PPFIA2: variants seen among roughly 807,000 people sequenced by gnomAD.
PPFIA2 encodes the protein liprin-alpha-2.
A neutral mutation model predicts 175.5 loss-of-function variants in PPFIA2; 46 were observed. The observed-to-expected ratio is 0.26, with a 90% confidence interval of 0.21 to 0.34. The LOEUF (loss-of-function observed/expected upper bound fraction) is 0.34, where lower values mean the gene tolerates loss of function less well. Among genes scored for constraint, PPFIA2 ranks in the 10% least tolerant of loss-of-function variants. The pLI, the probability that PPFIA2 is intolerant of heterozygous loss-of-function variation, is 1.00. For synonymous variants in PPFIA2, 568 were observed against 511.4 expected, an observed-to-expected ratio of 1.11 and a Z score of -1.49; for missense variants, 1,179 against 1,506.1, an observed-to-expected ratio of 0.78 and a Z score of 3.60.
At chr12:81,591,501 G>C (rs1232588749) in intron 4 of PPFIA2, among the ~76,000 whole-genome samples, 2 of 152,176 alleles carry the variant, frequency 1.3e-5, no homozygotes, top group Non-Finnish European at 2.9e-5. Context: ...CTTTGTGGCA[G>C]CCCCTCTCAT....
intron 4 of PPFIA2, among the ~76,000 whole-genome samples, chr12:81,467,961 T>C (rs1232685329): frequency 6.6e-6 from 1 of 152,116 alleles, no homozygotes; most frequent in Non-Finnish European, 1.5e-5. Context: ...CTTGTTCCCA[T>C]ATCCTGTCCC....
intron 3 of PPFIA2, among the ~76,000 whole-genome samples, chr12:81,747,097 G>A (rs1950153): frequency 0.17 from 24,204 of 142,908 alleles, 5,240 homozygotes; most frequent in Middle Eastern, 0.26. Context: ...GAAGCAATGA[G>A]CAATACAGAA....
At chr12:81,347,504 G>A in intron 18 of PPFIA2, 29 bp downstream of exon 18, 2 of 1,541,346 alleles carry the variant, frequency 1.3e-6, no homozygotes, top group Non-Finnish European at 1.8e-6. Flanking sequence ...TTAACAGGAG[G>A]CAAAGGTTCT....
At chr12:81,729,245 G>A (rs1296120253) in intron 3 of PPFIA2, among the ~76,000 whole-genome samples, 1 of 151,302 alleles carries the variant, frequency 6.6e-6, no homozygotes, top group Non-Finnish European at 1.5e-5. Context: ...TTGAATAAAT[G>A]GACTCATTTA....
At chr12:81,434,511 C>T (rs895408775) in intron 7 of PPFIA2, among the ~76,000 whole-genome samples, 4 of 151,824 alleles carry the variant, frequency 2.6e-5, no homozygotes, top group Non-Finnish European at 1.5e-5. Flanking sequence ...TGAGAGTAAA[C>T]AGATATGGGG....
chr12:81,459,285 C>T (rs899752547), intron 4 of PPFIA2, among the ~76,000 whole-genome samples: 7 of 152,038 alleles, frequency 4.6e-5, no homozygotes, highest in African/African-American at 1.7e-4. Flanking sequence ...AAACAATAAA[C>T]CTTTCTCTAG....
chr12:81,746,827 A>C (rs1490501406), intron 3 of PPFIA2, among the ~76,000 whole-genome samples: 1 of 143,380 alleles, frequency 7.0e-6, no homozygotes, highest in Admixed American at 7.4e-5. Flanking sequence ...GGTATGGGTA[A>C]GTGTGTGGGA....
At chr12:81,547,663 G>C (rs1004491906) in intron 4 of PPFIA2, among the ~76,000 whole-genome samples, 1 of 152,036 alleles carries the variant, frequency 6.6e-6, no homozygotes, top group South Asian at 2.1e-4. Context: ...AAGAGTTAGA[G>C]AAAAAACAAA....
intron 8 of PPFIA2, among the ~76,000 whole-genome samples, chr12:81,398,024 G>C (rs891612263): frequency 6.6e-6 from 1 of 151,910 alleles, no homozygotes; most frequent in Non-Finnish European, 1.5e-5. Context: ...ATTATGGTGA[G>C]TTGTATAATT....
rs2081564716 is a variant in PPFIA2, at chr12:81,736,281, C to T, written c.249+17692G>A. ...CCTTGCATGTATTTTGTTTAATTTA[C>T]TCTTAAGTATTTCATTATTTTAGAT... On this transcript the variant is annotated intron_variant, in intron 3 of 32. Coordinates refer to ENST00000549396, the MANE Select transcript of PPFIA2 (RefSeq NM_003625.5). Among the ~76,000 whole-genome samples the T allele has an allele frequency of 3.3e-5, 5 of 152,008 alleles. No homozygotes were observed. In the South Asian group the frequency reaches 1.0e-3, roughly 31 times the overall value.
At chr12:81,263,863 G>T (rs892575065) in intron 30 of PPFIA2, among the ~76,000 whole-genome samples, 1 of 152,062 alleles carries the variant, frequency 6.6e-6, no homozygotes, top group Non-Finnish European at 1.5e-5. Flanking sequence ...ATTTGAGATG[G>T]CATGGCTAAT....
chr12:81,491,498 C>T (rs1013474161), intron 4 of PPFIA2, among the ~76,000 whole-genome samples: 4 of 151,786 alleles, frequency 2.6e-5, no homozygotes, highest in African/African-American at 9.7e-5. Flanking sequence ...GCCCTAAGCC[C>T]GATTTGATGG....
chr12:81,544,180 T>C (rs1178400965), intron 4 of PPFIA2, among the ~76,000 whole-genome samples: 1 of 152,210 alleles, frequency 6.6e-6, no homozygotes, highest in African/African-American at 2.4e-5. Flanking sequence ...CTTTCTGTGC[T>C]ATCTTCACAA....
intron 4 of PPFIA2, among the ~76,000 whole-genome samples, chr12:81,571,857 T>C (rs1234890116): frequency 6.6e-6 from 1 of 152,122 alleles, no homozygotes; most frequent in Non-Finnish European, 1.5e-5. Context: ...ACATTGTAGG[T>C]ATTAAGAATT....
chr12:81,267,198 C>CTTTT, intron 29 of PPFIA2, 178 bp from the exon 30 acceptor site: 11 of 484,758 alleles, frequency 2.3e-5, no homozygotes, highest in South Asian at 6.0e-5. Flanking sequence ...AAAAACAGGG[C>CTTTT]TTTTTTTTTT....
At chr12:81,524,316 G>C (rs942259599) in intron 4 of PPFIA2, among the ~76,000 whole-genome samples, 1 of 152,110 alleles carries the variant, frequency 6.6e-6, no homozygotes, top group Non-Finnish European at 1.5e-5. Context: ...TGGAGCCCTG[G>C]AGCCCATTTG....
At chr12:81,470,216 T>C (rs910273882) in intron 4 of PPFIA2, among the ~76,000 whole-genome samples, 1 of 152,042 alleles carries the variant, frequency 6.6e-6, no homozygotes, top group African/African-American at 2.4e-5. Context: ...TCAAAATATA[T>C]AAATAACTAT....
rs1039861214 is a variant in PPFIA2 at position 81,508,661 on chromosome 12, T to C, written c.304-50795A>G. ...TAAGTTTTAGGGTACATGTGCACAATGTGCAGGTTAGTTACATATGTATAC... is the reference window on the plus strand; with the variant it reads ...TAAGTTTTAGGGTACATGTGCACAACGTGCAGGTTAGTTACATATGTATAC... On this transcript the variant is annotated intron_variant, in intron 4 of 32. Transcript: ENST00000549396. Among the ~76,000 whole-genome samples, 12 of 151,458 alleles carry C rather than the reference T, an allele frequency of 7.9e-5. No individual in the cohort carries two copies. The East Asian group carries it at 2.4e-3, about 30-fold the overall frequency.
At chr12:81,639,136 AT>A (rs1001042372) in intron 4 of PPFIA2, among the ~76,000 whole-genome samples, 5 of 152,274 alleles carry the variant, frequency 3.3e-5, no homozygotes, top group African/African-American at 1.2e-4. Context: ...AGTTTGTCAA[AT>A]ATGAAAGCCA....
Sources: gnomAD v4.1 joint callset for allele counts (sites outside exome capture counted in the v4.1 genomes callset) on GRCh38, gnomAD v4.1.1 for gene constraint, MANE v1.5 for transcripts, NCBI Gene and HGNC (gene_info 2026-07-23, HGNC 2026-07-21) for gene names.